Variants in UIMC1 observed in about 807,000 individuals in gnomAD.
UIMC1 encodes ubiquitin interaction motif containing 1.
A neutral mutation model predicts 84.9 loss-of-function variants in UIMC1; 42 were observed. The observed-to-expected ratio is 0.49, with a 90% CI of 0.39 to 0.64. UIMC1 has a LOEUF of 0.64. Ranked by LOEUF, UIMC1 falls within the 30% of genes least tolerant of loss-of-function variation. UIMC1 has a pLI of 0.00. For synonymous variants in UIMC1, 281 were observed against 293.0 expected, an observed-to-expected ratio of 0.96 and a Z score of 0.42; for missense variants, 825 against 847.6, an observed-to-expected ratio of 0.97 and a Z score of 0.33.
chr5:176,951,686 G>A (rs1765902213), intron 8 of UIMC1, 109 bp from the exon 9 acceptor site: 2 of 687,280 alleles, frequency 2.9e-6, no homozygotes, highest in Non-Finnish European at 4.7e-6. Flanking sequence ...ACAATACTGT[G>A]GTGGCAATAT....
At chr5:176,984,757 T>C (rs189456740) in intron 1 of UIMC1, among the ~76,000 whole-genome samples, 3,096 of 152,338 alleles carry the variant, frequency 0.02, 51 homozygotes, top group Non-Finnish European at 0.033. Flanking sequence ...AGAAAAATTC[T>C]TCTGCCTTGG....
At position 177,020,559 on chromosome 5, in the gene UIMC1, T is replaced by C. The variant is rs184852469; in HGVS notation, c.-9+1905A>G. Among the ~76,000 whole-genome samples, 29 of 152,264 alleles carry C rather than the reference T, an allele frequency of 1.9e-4. No homozygotes were observed. The East Asian group carries it at 4.8e-3, about 25-fold the overall frequency. Reference sequence around the variant, plus strand: ...CATTCTCCTGCCTCAGCCTCCCGAGTAGCTGGGACTACAGGCGCCCGCCAC... The same window carrying C: ...CATTCTCCTGCCTCAGCCTCCCGAGCAGCTGGGACTACAGGCGCCCGCCAC... On this transcript the variant is annotated intron_variant, in intron 1 of 5. Coordinates refer to the UIMC1 transcript ENST00000509236.
At chr5:176,949,098 AATTT>A (rs929639426) in intron 9 of UIMC1, among the ~76,000 whole-genome samples, 29 of 151,674 alleles carry the variant, frequency 1.9e-4, no homozygotes, top group South Asian at 8.3e-4. Flanking sequence ...TTTTTAAAAA[AATTT>A]ATTTATTTAT....
chr5:176,939,323 GAAGT>G (rs1187192110), intron 10 of UIMC1, among the ~76,000 whole-genome samples: 3 of 151,256 alleles, frequency 2.0e-5, no homozygotes, highest in Non-Finnish European at 4.4e-5. Context: ...AGGTAAATAT[GAAGT>G]AATAGGTGAT....
chr5:176,977,180 G>A (rs552568149), intron 2 of UIMC1, among the ~76,000 whole-genome samples: 12 of 145,786 alleles, frequency 8.2e-5, no homozygotes, highest in African/African-American at 2.9e-4. Context: ...CCAAGATCGC[G>A]CCACTGCTCT....
intron 10 of UIMC1, among the ~76,000 whole-genome samples, chr5:176,935,648 T>C (rs1763633448): frequency 6.6e-6 from 1 of 152,224 alleles, no homozygotes. Flanking sequence ...CACATTAATA[T>C]AAGTGAGAAG....
In UIMC1 at chr5:176,982,483, C is replaced by T; in HGVS notation, c.133G>A (p.Asp45Asn). ...RLEDAFIVIS[D>N]SDGEEPKEEN... is the part of the protein sequence containing the mutation. ...ACTTCACTAACCTCTCCATCACTAT[C>T]GGATATCACAATGAATGCATCCTCA... The change falls in exon 2 of 15, where the codon GAT becomes AAT. Residue 45 changes from aspartate to asparagine, a missense_variant. Asp to Asn is a conservative substitution (Grantham distance 23). Coordinates refer to ENST00000511320, the MANE Select transcript of UIMC1 (RefSeq NM_001199298.2). The T allele has an allele frequency of 5.0e-6, 8 of 1,613,684 alleles. No homozygotes were observed. Among genetic ancestry groups the T allele is most frequent in the Non-Finnish European group, 6.8e-6 (8 of 1,179,924 alleles).
At chr5:176,923,888 TACACACACACAGACACAC>T (rs1181792226) in intron 10 of UIMC1, among the ~76,000 whole-genome samples, 3 of 136,768 alleles carry the variant, frequency 2.2e-5, no homozygotes, top group Non-Finnish European at 4.6e-5. Flanking sequence ...TATATATATA[TACACACACACAGACACAC>T]ACACACACAC....
At chr5:176,973,489 A>G (rs1037114621) in intron 3 of UIMC1, among the ~76,000 whole-genome samples, 2 of 151,640 alleles carry the variant, frequency 1.3e-5, no homozygotes, top group African/African-American at 2.4e-5. Context: ...GCTCATGCCT[A>G]TAATTGCTCA....
intron 1 of UIMC1, among the ~76,000 whole-genome samples, chr5:176,986,461 T>C (rs547329554): frequency 1.5e-4 from 22 of 148,304 alleles, no homozygotes; most frequent in Middle Eastern, 3.5e-3. Flanking sequence ...TTGAGTGTGT[T>C]TGAGACTGCC....
chr5:176,991,570 T>A (rs1242696021), intron 1 of UIMC1, among the ~76,000 whole-genome samples: 2 of 143,440 alleles, frequency 1.4e-5, no homozygotes, highest in African/African-American at 5.2e-5. Context: ...AATACAAAAT[T>A]AGCCAGGCAT....
At chr5:176,932,599 GA>G (rs1763247797) in intron 10 of UIMC1, among the ~76,000 whole-genome samples, 1 of 152,194 alleles carries the variant, frequency 6.6e-6, no homozygotes, top group Non-Finnish European at 1.5e-5. Flanking sequence ...TACTGGGAGG[GA>G]AAGTGCTTGC....
At chr5:176,986,289 G>A (rs1409559648) in intron 1 of UIMC1, among the ~76,000 whole-genome samples, 1 of 148,414 alleles carries the variant, frequency 6.7e-6, no homozygotes, top group Non-Finnish European at 1.5e-5. Context: ...GAACTCAGGA[G>A]GTGGAGATTG....
At chr5:176,944,501 A>G (rs1764841798) in intron 9 of UIMC1, among the ~76,000 whole-genome samples, 1 of 152,226 alleles carries the variant, frequency 6.6e-6, no homozygotes, top group African/African-American at 2.4e-5. Context: ...AGCATGTCCT[A>G]TCCAATCAAT....
At chr5:176,917,257 C>A (rs1337020012) in intron 10 of UIMC1, among the ~76,000 whole-genome samples, 1 of 152,218 alleles carries the variant, frequency 6.6e-6, no homozygotes, top group Non-Finnish European at 1.5e-5. Context: ...AGAGACCAGT[C>A]TCAATTAAAG....
chr5:176,945,104 C>A (rs1333733915), intron 9 of UIMC1, among the ~76,000 whole-genome samples: 2 of 152,216 alleles, frequency 1.3e-5, no homozygotes, highest in African/African-American at 2.4e-5. Context: ...AATAAAAAGC[C>A]TCTTCCCATT....
chr5:176,911,443 T>C (rs1433391070), intron 10 of UIMC1, 54 bp from the exon 11 acceptor site: 34 of 1,271,790 alleles, frequency 2.7e-5, no homozygotes, highest in Non-Finnish European at 3.2e-5. Context: ...CAGTAGACTC[T>C]GAATATAAAA....
intron 9 of UIMC1, among the ~76,000 whole-genome samples, chr5:176,947,401 T>C (rs1252508040): frequency 6.6e-6 from 1 of 152,186 alleles, no homozygotes; most frequent in African/African-American, 2.4e-5. Flanking sequence ...AATGTGCTGG[T>C]TTGTTACATA....
intron 9 of UIMC1, among the ~76,000 whole-genome samples, chr5:176,950,906 G>T (rs1007124512): frequency 7.2e-5 from 11 of 151,756 alleles, no homozygotes; most frequent in African/African-American, 2.7e-4. Context: ...TATACACACC[G>T]AGAATCTTAA....
Sources: allele counts gnomAD v4.1 joint callset (sites outside exome capture counted in the v4.1 genomes callset), GRCh38; gene constraint gnomAD v4.1.1; transcripts MANE v1.5; gene names NCBI Gene and HGNC (gene_info 2026-07-23, HGNC 2026-07-21).